The following LRP1B variants were observed in gnomAD, a reference collection of about 807,000 sequenced individuals.
The protein encoded by LRP1B is low-density lipoprotein receptor-related protein 1B.
LRP1B carries 217 observed loss-of-function variants against 556.6 expected under a neutral mutation model. The ratio of observed to expected loss-of-function variants is 0.39; its 90% confidence interval spans 0.35 to 0.44. LRP1B has a LOEUF of 0.44. LRP1B is among the 20% of genes least tolerant of loss of function. The probability of loss-of-function intolerance (pLI) is 1.00; values close to 1 mark genes in which losing one functional copy is unlikely to be tolerated. For missense variants in LRP1B, 5,053 were observed against 5,620.8 expected (o/e 0.90, Z 3.23); for synonymous variants, 2,047 against 1,865.8 (o/e 1.10, Z -2.50).
intron 2 of LRP1B, among the ~76,000 whole-genome samples, 180 bp downstream of exon 2, chr2:141,810,096 AAAG>A (rs1394257248): frequency 1.5e-5 from 2 of 135,188 alleles, no homozygotes; most frequent in East Asian, 2.3e-4. Context: ...TATTTGGAAA[AAAG>A]AAAGAAAGAA....
chr2:140,956,507 G>A (rs927002314), intron 18 of LRP1B, among the ~76,000 whole-genome samples: 1 of 151,604 alleles, frequency 6.6e-6, no homozygotes, highest in African/African-American at 2.4e-5. Flanking sequence ...GAAAAGTGGT[G>A]CTTTTAAAGA....
chr2:140,640,005 G>T (rs1684218646), intron 41 of LRP1B, among the ~76,000 whole-genome samples: 1 of 151,842 alleles, frequency 6.6e-6, no homozygotes, highest in South Asian at 2.1e-4. Flanking sequence ...TTTTTTGTTT[G>T]TTTGTTTGTT....
At chr2:141,363,923 A>T in intron 3 of LRP1B, among the ~76,000 whole-genome samples, 1 of 152,160 alleles carries the variant, frequency 6.6e-6, no homozygotes, top group East Asian at 1.9e-4. Context: ...TACTTTCTAA[A>T]CAAAGATAAG....
chr2:140,919,192 C>T (rs1215117053), intron 21 of LRP1B, among the ~76,000 whole-genome samples: 1 of 151,986 alleles, frequency 6.6e-6, no homozygotes, highest in Non-Finnish European at 1.5e-5. Context: ...GGATCACAAC[C>T]TTCATTTTCC....
chr2:141,475,640 C>A (rs1682674341), intron 3 of LRP1B, among the ~76,000 whole-genome samples: 3 of 152,020 alleles, frequency 2.0e-5, no homozygotes, highest in Admixed American at 2.0e-4. Flanking sequence ...CATATAAACC[C>A]CAAACCTCGG....
At chr2:141,712,073 A>G (rs377032042) in intron 2 of LRP1B, among the ~76,000 whole-genome samples, 72 of 152,260 alleles carry the variant, frequency 4.7e-4, no homozygotes, top group African/African-American at 1.6e-3. Context: ...CCACCCACAC[A>G]AAAAGGGAGG....
At chr2:141,769,217 G>A (rs1694822421) in intron 2 of LRP1B, among the ~76,000 whole-genome samples, 2 of 152,114 alleles carry the variant, frequency 1.3e-5, no homozygotes, top group African/African-American at 4.8e-5. Context: ...TATAAACAGA[G>A]TGGGTGATCA....
chr2:141,365,253 AG>A (rs1192327206), intron 3 of LRP1B, among the ~76,000 whole-genome samples: 24 of 152,108 alleles, frequency 1.6e-4, no homozygotes, highest in African/African-American at 5.3e-4. Flanking sequence ...TTGTAGAGCT[AG>A]GGTATCTATG....
intron 34 of LRP1B, among the ~76,000 whole-genome samples, chr2:140,770,174 G>A (rs1689258425): frequency 6.6e-6 from 1 of 151,808 alleles, no homozygotes; most frequent in Non-Finnish European, 1.5e-5. Context: ...ACCTCATGAG[G>A]TTATGAGGAT....
chr2:141,857,094 T>C (rs1275545344), intron 1 of LRP1B, among the ~76,000 whole-genome samples: 2 of 152,096 alleles, frequency 1.3e-5, no homozygotes, highest in African/African-American at 2.4e-5. Context: ...TGTTGTATAA[T>C]AGCCATTCCA....
chr2:140,882,779 C>T (rs1375727443), intron 25 of LRP1B, among the ~76,000 whole-genome samples: 1 of 152,142 alleles, frequency 6.6e-6, no homozygotes, highest in Non-Finnish European at 1.5e-5. Context: ...CATCGCCTGG[C>T]TTTTCTCTCT....
intron 7 of LRP1B, among the ~76,000 whole-genome samples, chr2:141,068,313 T>C (rs1699537419): frequency 6.6e-6 from 1 of 151,804 alleles, no homozygotes; most frequent in African/African-American, 2.4e-5. Context: ...AATAGTTCTC[T>C]CTCCTGTGAG....
At chr2:141,123,317 T>C (rs968591102) in intron 7 of LRP1B, among the ~76,000 whole-genome samples, 1 of 151,670 alleles carries the variant, frequency 6.6e-6, no homozygotes, top group African/African-American at 2.4e-5. Flanking sequence ...TGGCACCAGA[T>C]GGTGATTGTG....
chr2:140,571,986 A>T (rs1681340431), intron 43 of LRP1B, among the ~76,000 whole-genome samples: 1 of 151,744 alleles, frequency 6.6e-6, no homozygotes, highest in Non-Finnish European at 1.5e-5. Context: ...TCATATAAAA[A>T]AATTCAAAAT....
At chr2:142,039,808 A>G (rs538262684) in intron 1 of LRP1B, among the ~76,000 whole-genome samples, 1 of 151,682 alleles carries the variant, frequency 6.6e-6, no homozygotes, top group African/African-American at 2.4e-5. Context: ...AAATTTGTCA[A>G]AACATATTTT....
chr2:141,300,097 A>G (rs1037246222), intron 3 of LRP1B, among the ~76,000 whole-genome samples: 2 of 152,230 alleles, frequency 1.3e-5, no homozygotes, highest in African/African-American at 4.8e-5. Flanking sequence ...AGAAGTCAGC[A>G]GTCTACAGTC....
intron 7 of LRP1B, among the ~76,000 whole-genome samples, chr2:141,069,107 C>T (rs1003347882): frequency 1.3e-5 from 2 of 151,946 alleles, no homozygotes; most frequent in African/African-American, 2.4e-5. Flanking sequence ...GATTTTCAAA[C>T]GTCATTCCCT....
At chr2:141,451,307 T>C (rs1681413392) in intron 3 of LRP1B, among the ~76,000 whole-genome samples, 1 of 152,204 alleles carries the variant, frequency 6.6e-6, no homozygotes, top group Non-Finnish European at 1.5e-5. Flanking sequence ...TTTAAGTGTG[T>C]ACTCTTAGTG....
chr2:141,933,054 T>TA (rs1376333956), intron 1 of LRP1B, among the ~76,000 whole-genome samples: 1 of 151,990 alleles, frequency 6.6e-6, no homozygotes, highest in East Asian at 1.9e-4. Flanking sequence ...TAACACAATA[T>TA]AAAAAACATT....
Sources: allele counts gnomAD v4.1 joint callset (sites outside exome capture counted in the v4.1 genomes callset), GRCh38; gene constraint gnomAD v4.1.1; transcripts MANE v1.5; gene names NCBI Gene and HGNC (gene_info 2026-07-23, HGNC 2026-07-21).